Variants in WWP1 observed in about 807,000 individuals in gnomAD.
WWP1 encodes WW domain containing E3 ubiquitin protein ligase 1.
WWP1 carries 49 observed loss-of-function variants against 130.6 expected under a neutral mutation model. That is an observed-to-expected ratio of 0.38 (90% CI 0.30 to 0.48). The LOEUF is 0.48. Among genes scored for constraint, WWP1 ranks in the 20% least tolerant of loss-of-function variants. The pLI is 0.99. For missense variants in WWP1, 809 were observed against 1,100.6 expected, an observed-to-expected ratio of 0.74 and a Z score of 3.75; for synonymous variants, 332 against 367.8, an observed-to-expected ratio of 0.90 and a Z score of 1.11.
At chr8:86,348,114 A>G (rs1175522430) in intron 1 of WWP1, among the ~76,000 whole-genome samples, 7 of 152,264 alleles carry the variant, frequency 4.6e-5, no homozygotes, top group Non-Finnish European at 8.8e-5. Context: ...GGGAATGTAT[A>G]ATGTAAAACC....
At chr8:86,437,275 G>T (rs1472351624) in intron 16 of WWP1, among the ~76,000 whole-genome samples, 2 of 152,182 alleles carry the variant, frequency 1.3e-5, no homozygotes, top group African/African-American at 2.4e-5. Flanking sequence ...AGCTATTAAA[G>T]ATTATGAAAA....
intron 1 of WWP1, among the ~76,000 whole-genome samples, chr8:86,364,833 A>AAGAAAGAAAG (rs1491179112): frequency 1.8e-5 from 2 of 113,742 alleles, no homozygotes; most frequent in African/African-American, 3.1e-5. Context: ...GAAAGAAAGA[A>AAGAAAGAAAG]AGAGAGAGAG....
intron 5 of WWP1, among the ~76,000 whole-genome samples, chr8:86,390,470 A>G (rs1394165622): frequency 1.3e-5 from 2 of 152,154 alleles, no homozygotes; most frequent in Non-Finnish European, 2.9e-5. Context: ...AGGCTGGCAG[A>G]TCACTCGCGG....
intron 21 of WWP1, among the ~76,000 whole-genome samples, chr8:86,456,341 A>G (rs190985992): frequency 2.8e-3 from 425 of 152,084 alleles, no homozygotes; most frequent in African/African-American, 9.6e-3. Context: ...CCTGGGAGAA[A>G]CTATTGAGAC....
intron 18 of WWP1, among the ~76,000 whole-genome samples, chr8:86,447,519 G>A (rs975516849): frequency 2.6e-5 from 4 of 152,156 alleles, no homozygotes; most frequent in African/African-American, 9.7e-5. Flanking sequence ...ACCCGCCTCA[G>A]CCTCCCAAAG....
chr8:86,439,112 G>T (rs552343317), intron 17 of WWP1, among the ~76,000 whole-genome samples: 42 of 147,844 alleles, frequency 2.8e-4, no homozygotes, highest in African/African-American at 8.5e-4. Context: ...GGGAGGCCAA[G>T]GCGGGTGGAT....
At chr8:86,425,179 C>G in intron 9 of WWP1, 44 bp from the exon 10 acceptor site, 1 of 1,503,324 alleles carries the variant, frequency 6.7e-7, no homozygotes, top group Non-Finnish European at 9.1e-7. Flanking sequence ...TAAGATTGTC[C>G]TAGTGTGTTG....
chr8:86,422,269 T>C (rs1179592018), intron 9 of WWP1, among the ~76,000 whole-genome samples: 1 of 152,006 alleles, frequency 6.6e-6, no homozygotes, highest in Non-Finnish European at 1.5e-5. Flanking sequence ...TTTCTGGTTA[T>C]TGTATTTTAA....
Position 86,452,843 on chromosome 8 carries a change from A to G in WWP1, c.2394+164A>G, listed in dbSNP as rs561161880. 9.2e-5 allele frequency among the ~76,000 whole-genome samples: 14 copies of G among 152,280 alleles called. 1 individual carries two copies. In the East Asian group the frequency reaches 2.5e-3, roughly 27 times the overall value. Reference sequence around the variant, plus strand: ...GTGGTATTTATTCTAGCATTGGGTAAGAGTCTTAATTATGTTCTCTGAACC... The same window carrying G: ...GTGGTATTTATTCTAGCATTGGGTAGGAGTCTTAATTATGTTCTCTGAACC... On this transcript the variant is annotated intron_variant, in intron 21 of 24. Transcript: ENST00000517970.
At chr8:86,376,762 G>A (rs967844937) in intron 3 of WWP1, among the ~76,000 whole-genome samples, 2 of 152,142 alleles carry the variant, frequency 1.3e-5, no homozygotes, top group African/African-American at 4.8e-5. Context: ...GTCAGTTGCT[G>A]CTCTCCTTTG....
intron 5 of WWP1, among the ~76,000 whole-genome samples, chr8:86,391,057 CATAA>C (rs551175358): frequency 4.8e-4 from 73 of 151,918 alleles, no homozygotes; most frequent in Non-Finnish European, 8.1e-4. Flanking sequence ...TTATTACAGC[CATAA>C]ATAAACCTTA....
intron 9 of WWP1, among the ~76,000 whole-genome samples, chr8:86,424,950 TGTG>T (rs1434877502): frequency 6.6e-6 from 1 of 152,002 alleles, no homozygotes; most frequent in Non-Finnish European, 1.5e-5. Flanking sequence ...CTTTTTAAAA[TGTG>T]GGGTATTCTC....
chr8:86,418,713 C>T (rs77796150), intron 9 of WWP1, among the ~76,000 whole-genome samples: 6,235 of 152,230 alleles, frequency 0.041, 187 homozygotes, highest in African/African-American at 0.071. Context: ...AGATACTTGA[C>T]GCTTGGGAAC....
At chr8:86,452,794 CCT>C (rs1363996169) in intron 21 of WWP1, 115 bp downstream of exon 21, 2 of 1,321,018 alleles carry the variant, frequency 1.5e-6, no homozygotes, top group Non-Finnish European at 2.1e-6. Context: ...AATCTTGAAT[CCT>C]CTCATTTGTC....
At chr8:86,426,508 G>A (rs946032147) in intron 10 of WWP1, among the ~76,000 whole-genome samples, 4 of 152,188 alleles carry the variant, frequency 2.6e-5, no homozygotes, top group Non-Finnish European at 4.4e-5. Flanking sequence ...ATTCTGGTTG[G>A]TAGAGAAATA....
chr8:86,381,919 T>G (rs1825007592), intron 5 of WWP1, among the ~76,000 whole-genome samples: 1 of 152,170 alleles, frequency 6.6e-6, no homozygotes, highest in African/African-American at 2.4e-5. Context: ...CTTGAGAAAA[T>G]TATCATTACA....
rs1586268053 is a variant in WWP1 at position 86,364,853 on chromosome 8, GAGAGAAAGAAGAA to G, written c.-114-4080_-114-4068del. ...AAAGAAAGAGAGAGAGAGAGAGAGA[GAGAGAAAGAAGAA>G]AGAGAGAAAGAAAGAAAGAGAGAAA... is the stretch of plus-strand genomic sequence containing the variant. On this transcript the variant is annotated intron_variant, in intron 1 of 24. Transcript: ENST00000517970. Among the ~76,000 whole-genome samples, 5 of 150,162 alleles carry G rather than the reference GAGAGAAAGAAGAA, an allele frequency of 3.3e-5. No homozygotes were observed. In the East Asian group the frequency reaches 9.8e-4, roughly 29 times the overall value.
chr8:86,363,466 CA>C (rs1478460610), intron 1 of WWP1, among the ~76,000 whole-genome samples: 1 of 151,870 alleles, frequency 6.6e-6, no homozygotes, highest in African/African-American at 2.4e-5. Flanking sequence ...AATGGCTTCC[CA>C]TAAGTTTTTT....
intron 1 of WWP1, among the ~76,000 whole-genome samples, chr8:86,358,151 G>A (rs1355739128): frequency 6.6e-6 from 1 of 152,104 alleles, no homozygotes; most frequent in East Asian, 1.9e-4. Context: ...AGTCAAACTA[G>A]CATTTTAGAT....
Sources: gnomAD v4.1 joint callset for allele counts (sites outside exome capture counted in the v4.1 genomes callset) on GRCh38, gnomAD v4.1.1 for gene constraint, MANE v1.5 for transcripts, NCBI Gene and HGNC (gene_info 2026-07-23, HGNC 2026-07-21) for gene names.